LRFN5: variants seen among roughly 807,000 people sequenced by gnomAD.
LRFN5 encodes leucine-rich repeat and fibronectin type-III domain-containing protein 5.
LRFN5 carries 24 observed loss-of-function variants against 45.6 expected under a neutral mutation model. The observed-to-expected ratio is 0.53, with a 90% CI of 0.38 to 0.74. The LOEUF (loss-of-function observed/expected upper bound fraction) is 0.74, where lower values mean the gene tolerates loss of function less well. Ranked by LOEUF, LRFN5 falls within the 30% of genes least tolerant of loss-of-function variation. LRFN5 has a pLI of 0.00. For synonymous variants in LRFN5, 340 were observed against 313.8 expected (o/e 1.08, Z -0.88); for missense variants, 776 against 861.5 (o/e 0.90, Z 1.24).
Position 41,856,675 on chromosome 14 carries a change from A to ATTATTATTATTTTTTTTTTTTT in LRFN5, c.-20-29929_-20-29928insATTATTATTTTTTTTTTTTTTT. Among the ~76,000 whole-genome samples the ATTATTATTATTTTTTTTTTTTT allele has an allele frequency of 4.8e-3, 88 of 18,312 alleles. 2 individuals carry two copies. The highest frequency in any genetic ancestry group is 7.4e-3 in the African/African-American group (58 of 7,804). 12.0% of individuals were successfully genotyped at this position (18,312 alleles called of 152,430 possible). ...TTCTTTCCTAATTATTATTATTATT[A>ATTATTATTATTTTTTTTTTTTT]TTTTTTTTTTTTTTTTTTTGAGACG... On this transcript the variant is annotated intron_variant, in intron 2 of 5. Transcript: ENST00000298119.
At chr14:41,853,587 G>C (rs1178053373) in intron 2 of LRFN5, among the ~76,000 whole-genome samples, 1 of 151,910 alleles carries the variant, frequency 6.6e-6, no homozygotes, top group East Asian at 1.9e-4. Context: ...TTCCATTTTG[G>C]ATATATTATA....
At chr14:41,799,514 G>T (rs187537176) in intron 2 of LRFN5, among the ~76,000 whole-genome samples, 148 of 151,936 alleles carry the variant, frequency 9.7e-4, no homozygotes, top group Middle Eastern at 3.4e-3. Flanking sequence ...CTGAAACATT[G>T]CTTGCCTCCA....
At chr14:41,756,561 C>G (rs1432631363) in intron 1 of LRFN5, among the ~76,000 whole-genome samples, 3 of 152,174 alleles carry the variant, frequency 2.0e-5, no homozygotes, top group African/African-American at 7.2e-5. Flanking sequence ...GCTACTGAGG[C>G]TTGTGCATTG....
chr14:41,808,412 G>A (rs1171912867), intron 2 of LRFN5, among the ~76,000 whole-genome samples: 1 of 105,138 alleles, frequency 9.5e-6, no homozygotes, highest in African/African-American at 3.8e-5. Context: ...AGGAAGAAAG[G>A]AAGGAAGGAA....
At chr14:41,623,251 TC>T (rs1888199323) in intron 1 of LRFN5, among the ~76,000 whole-genome samples, 1 of 152,102 alleles carries the variant, frequency 6.6e-6, no homozygotes, top group South Asian at 2.1e-4. Context: ...AGACTTTGTG[TC>T]CCCACCCGAA....
intron 2 of LRFN5, among the ~76,000 whole-genome samples, chr14:41,859,794 T>A (rs549543574): frequency 3.6e-4 from 55 of 152,338 alleles, no homozygotes; most frequent in South Asian, 1.9e-3. Flanking sequence ...TATACCTTTT[T>A]AAAAATTAAT....
At chr14:41,652,022 A>G (rs1281364404) in intron 1 of LRFN5, among the ~76,000 whole-genome samples, 1 of 152,082 alleles carries the variant, frequency 6.6e-6, no homozygotes, top group Non-Finnish European at 1.5e-5. Context: ...TAATCTCTTT[A>G]AAGACCCCAT....
intron 5 of LRFN5, among the ~76,000 whole-genome samples, chr14:41,903,745 C>T (rs1239208930): frequency 6.6e-6 from 1 of 151,864 alleles, no homozygotes; most frequent in Admixed American, 6.6e-5. Flanking sequence ...ATATCATACA[C>T]ATTTTCTAGC....
intron 1 of LRFN5, among the ~76,000 whole-genome samples, chr14:41,660,769 T>C (rs1439142463): frequency 6.6e-6 from 1 of 151,674 alleles, no homozygotes; most frequent in East Asian, 1.9e-4. Context: ...TCTCAAGTGA[T>C]TCTGATGCAT....
chr14:41,673,548 A>C (rs1403765533), intron 1 of LRFN5, among the ~76,000 whole-genome samples: 1 of 135,860 alleles, frequency 7.4e-6, no homozygotes, highest in Non-Finnish European at 1.6e-5. Context: ...CACCTCCCGG[A>C]CGGGGCGGCT....
At chr14:41,839,494 A>G (rs746975559) in intron 2 of LRFN5, among the ~76,000 whole-genome samples, 4 of 152,146 alleles carry the variant, frequency 2.6e-5, no homozygotes, top group Admixed American at 6.5e-5. Flanking sequence ...TCACCTAATT[A>G]TACTTATTGC....
At chr14:41,758,936 T>A (rs188284136) in intron 1 of LRFN5, among the ~76,000 whole-genome samples, 19 of 152,294 alleles carry the variant, frequency 1.2e-4, no homozygotes, top group Admixed American at 1.2e-3. Context: ...ACTATGTGAT[T>A]TTTCCTCATT....
chr14:41,738,462 A>G (rs748871797), intron 1 of LRFN5, among the ~76,000 whole-genome samples: 3 of 152,218 alleles, frequency 2.0e-5, no homozygotes, highest in South Asian at 4.1e-4. Context: ...TAAAACACCA[A>G]AACTAATTGC....
intron 1 of LRFN5, among the ~76,000 whole-genome samples, chr14:41,615,628 G>A (rs1212186179): frequency 2.6e-5 from 4 of 152,064 alleles, no homozygotes; most frequent in South Asian, 4.1e-4. Context: ...GTTAAGCAGG[G>A]CCATTACTTC....
intron 1 of LRFN5, among the ~76,000 whole-genome samples, chr14:41,620,275 A>G (rs1175532104): frequency 6.6e-6 from 1 of 152,138 alleles, no homozygotes; most frequent in African/African-American, 2.4e-5. Context: ...ACTAACCGGG[A>G]TATTTTAAAA....
At chr14:41,821,759 G>C (rs1888120514) in intron 2 of LRFN5, among the ~76,000 whole-genome samples, 1 of 149,214 alleles carries the variant, frequency 6.7e-6, no homozygotes, top group East Asian at 2.0e-4. Flanking sequence ...CTGTTCCTGG[G>C]CGTGGGGTGG....
At position 41,607,215 on chromosome 14, in the gene LRFN5, G is replaced by A. The variant is rs1421729825; in HGVS notation, c.-1544G>A. 6.6e-6 allele frequency among the ~76,000 whole-genome samples: 1 copy of A among 152,118 alleles called. No homozygotes were observed. Among genetic ancestry groups the A allele is most frequent in the Non-Finnish European group, 1.5e-5 (1 of 68,026 alleles). ...GAGGATGTGAATTGTTTAGCAGCTGGCTGCTCCCTTAGGATCCTTGACTTT... is the reference window on the plus strand; with the variant it reads ...GAGGATGTGAATTGTTTAGCAGCTGACTGCTCCCTTAGGATCCTTGACTTT... On this transcript the variant is annotated 5_prime_UTR_variant, in exon 1 of 6. Coordinates refer to ENST00000298119, the MANE Select transcript of LRFN5 (RefSeq NM_152447.5).
chr14:41,766,328 A>G (rs112249931), intron 1 of LRFN5, among the ~76,000 whole-genome samples: 1 of 152,132 alleles, frequency 6.6e-6, no homozygotes, highest in Non-Finnish European at 1.5e-5. Flanking sequence ...TAAAAAATAA[A>G]TGGCATGCCT....
intron 2 of LRFN5, among the ~76,000 whole-genome samples, chr14:41,881,775 A>G (rs1890389466): frequency 6.6e-6 from 1 of 152,054 alleles, no homozygotes; most frequent in Non-Finnish European, 1.5e-5. Flanking sequence ...GCTGTGCCCA[A>G]TCTTCTGTTA....
Sources: allele counts gnomAD v4.1 joint callset (sites outside exome capture counted in the v4.1 genomes callset), GRCh38; gene constraint gnomAD v4.1.1; transcripts MANE v1.5; gene names NCBI Gene and HGNC (gene_info 2026-07-23, HGNC 2026-07-21).